BCR: variants seen among roughly 807,000 people sequenced by gnomAD.
The protein encoded by BCR is BCR activator of RhoGEF and GTPase.
BCR carries 58 observed loss-of-function variants against 138.6 expected under a neutral mutation model. The observed-to-expected ratio is 0.42, with a 90% CI of 0.34 to 0.52. The LOEUF is 0.52. Ranked by LOEUF, BCR falls within the 20% of genes least tolerant of loss-of-function variation. The pLI is 0.06. For synonymous variants in BCR, 786 were observed against 730.1 expected, an observed-to-expected ratio of 1.08 and a Z score of -1.23; for missense variants, 1,599 against 1,727.2, an observed-to-expected ratio of 0.93 and a Z score of 1.32.
rs186844702 is a variant in BCR at position 23,263,668 on chromosome 22, A to T, written c.1752+2128A>T. On this transcript the variant is annotated intron_variant, in intron 4 of 22. Transcript: ENST00000305877. ...TGTCAGTGCAGGAGGAGATGGGAAG[A>T]TTGGCCTTGGTAAGATTCACAGCAC... 5.8e-5 allele frequency: 83 copies of T among 1,440,010 alleles called. No individual in the cohort carries two copies. In the African/African-American group the frequency reaches 9.8e-4, roughly 17 times the overall value. The allele number at this position is 1,440,010 out of a possible 1,614,324, so 89.2% of individuals were successfully genotyped here. A position where few individuals can be genotyped will look rare whatever the true frequency, so the allele number is the denominator to read the frequency against.
At chr22:23,245,976 C>T (rs1181689956) in intron 1 of BCR, among the ~76,000 whole-genome samples, 1 of 152,208 alleles carries the variant, frequency 6.6e-6, no homozygotes, top group African/African-American at 2.4e-5. Flanking sequence ...TAAGCAGTCA[C>T]CGACCTCCTT....
intron 4 of BCR, among the ~76,000 whole-genome samples, chr22:23,266,467 G>C (rs964424209): frequency 2.6e-5 from 4 of 151,826 alleles, no homozygotes; most frequent in African/African-American, 9.7e-5. Flanking sequence ...TTAGCTCCTT[G>C]CAACCTCTGC....
rs1192823824 is a variant in BCR, at chr22:23,253,930, A to G, written c.1411A>G (p.Arg471Gly). 6.2e-7 allele frequency: 1 copy of G among 1,613,040 alleles called. No individual in the cohort carries two copies. Among genetic ancestry groups the G allele is most frequent in the Non-Finnish European group, 8.5e-7 (1 of 1,179,990 alleles). Residue 471 changes from arginine to glycine, a missense_variant, in exon 2 of 23, where the codon AGG (arginine) becomes GGG (glycine). Transcript: ENST00000305877. ...ATCGCCCCACCTCAGCAGCAAGGGC[A>G]GGGGCAGCCGGGATGCGCTGGTCTC... ...SSSPHLSSKG[R>G]GSRDALVSGA...
intron 1 of BCR, among the ~76,000 whole-genome samples, chr22:23,204,171 G>A (rs950973777): frequency 1.6e-4 from 25 of 152,146 alleles, no homozygotes; most frequent in Admixed American, 8.5e-4. Flanking sequence ...ATTTTCCAGC[G>A]CTCACAACTA....
intron 8 of BCR, 21 bp from the exon 9 acceptor site, chr22:23,283,956 C>T (rs1416359871): frequency 8.9e-6 from 14 of 1,576,426 alleles, no homozygotes; most frequent in East Asian, 2.3e-5. Flanking sequence ...GCCCTGACCC[C>T]AGCCTTCCCT....
intron 4 of BCR, chr22:23,264,273 C>G (rs1430058761): frequency 6.6e-6 from 6 of 915,676 alleles, no homozygotes; most frequent in Non-Finnish European, 1.1e-5. Context: ...CCTCGGCAGC[C>G]CTGTGTACTG....
At chr22:23,254,689 GC>G in intron 2 of BCR, 1 of 466,184 alleles carries the variant, frequency 2.1e-6, no homozygotes, top group Non-Finnish European at 4.3e-6. Context: ...GGCTGCTTCA[GC>G]AATGCTCTGG....
At chr22:23,267,888 C>T (rs2073462883) in intron 4 of BCR, among the ~76,000 whole-genome samples, 1 of 152,238 alleles carries the variant, frequency 6.6e-6, no homozygotes, top group Non-Finnish European at 1.5e-5. Flanking sequence ...CTCACCAGGC[C>T]CAGGATGGGC....
rs1011390997 is a variant in BCR, at chr22:23,261,107, T to C, written c.1566+53T>C. On this transcript the variant is annotated intron_variant, in intron 3 of 22. Coordinates refer to ENST00000305877, the MANE Select transcript of BCR (RefSeq NM_004327.4). ...GGCGGGATGGGGCAGGGTGACAGGG[T>C]TGGGGAGCCTCTTTGCCCTTAAGTC... 6 of 1,548,608 alleles carry C rather than the reference T, an allele frequency of 3.9e-6. No individual in the cohort carries two copies. The East Asian group carries it at 9.1e-5, about 23-fold the overall frequency.
At chr22:23,306,632 C>G (rs131692) in intron 16 of BCR, 146,278 of 152,356 alleles carry the variant, frequency 0.96, 70,261 homozygotes, top group East Asian at 1. Flanking sequence ...CCCACACACA[C>G]ACAAAAAAGT....
chr22:23,184,898 A>T (rs2072320147), intron 1 of BCR, among the ~76,000 whole-genome samples: 1 of 152,142 alleles, frequency 6.6e-6, no homozygotes, highest in African/African-American at 2.4e-5. Context: ...GAAAAGGAAC[A>T]ATGAGGAAAA....
intron 1 of BCR, among the ~76,000 whole-genome samples, chr22:23,247,449 A>T (rs6003586): frequency 0.24 from 36,194 of 151,992 alleles, 4,781 homozygotes; most frequent in African/African-American, 0.32. Flanking sequence ...TGACTCCAGT[A>T]CATGTTGATC....
At chr22:23,279,674 TG>T (rs1361396984) in intron 8 of BCR, among the ~76,000 whole-genome samples, 1 of 152,254 alleles carries the variant, frequency 6.6e-6, no homozygotes, top group Non-Finnish European at 1.5e-5. Context: ...TGGGCTTCTT[TG>T]GCAACTTTTC....
intron 1 of BCR, among the ~76,000 whole-genome samples, chr22:23,183,225 G>A (rs2072293802): frequency 1.3e-5 from 2 of 152,224 alleles, no homozygotes; most frequent in Admixed American, 1.3e-4. Flanking sequence ...TTGGGGTAAG[G>A]AAAGGGTGGG....
At chr22:23,284,918 A>T in intron 9 of BCR, 115 bp from the exon 10 acceptor site, 1 of 1,181,790 alleles carries the variant, frequency 8.5e-7, no homozygotes, top group Non-Finnish European at 1.2e-6. Context: ...GCTGGGTTTT[A>T]GGTCAGGTAA....
intron 8 of BCR, among the ~76,000 whole-genome samples, chr22:23,282,849 G>A (rs530428871): frequency 9.2e-5 from 14 of 152,352 alleles, no homozygotes; most frequent in African/African-American, 3.4e-4. Context: ...GGTGGGCTGG[G>A]TGCCCACTAA....
chr22:23,264,066 G>A, intron 4 of BCR: 1 of 1,173,458 alleles, frequency 8.5e-7, no homozygotes, highest in Middle Eastern at 1.9e-4. Context: ...TGACACCTAT[G>A]TTCGCTACTG....
At chr22:23,233,823 A>G (rs2072989827) in intron 1 of BCR, among the ~76,000 whole-genome samples, 1 of 151,526 alleles carries the variant, frequency 6.6e-6, no homozygotes, top group Non-Finnish European at 1.5e-5. Context: ...GAAAAAAAAA[A>G]AGAAGAACAT....
intron 1 of BCR, among the ~76,000 whole-genome samples, chr22:23,182,974 C>T (rs975560520): frequency 6.6e-6 from 1 of 152,226 alleles, no homozygotes; most frequent in Non-Finnish European, 1.5e-5. Context: ...TTATTCACCA[C>T]CAGGCTCCTC....
Sources: allele counts gnomAD v4.1 joint callset (sites outside exome capture counted in the v4.1 genomes callset), GRCh38; gene constraint gnomAD v4.1.1; transcripts MANE v1.5; gene names NCBI Gene and HGNC (gene_info 2026-07-23, HGNC 2026-07-21).